Variants in MLLT10 observed in about 807,000 individuals in gnomAD.
MLLT10 encodes protein AF-10.
Under a neutral mutation model 129.1 loss-of-function variants are expected in MLLT10, and 30 were observed. The ratio of observed to expected loss-of-function variants is 0.23; its 90% confidence interval spans 0.17 to 0.32. The LOEUF is 0.32. Among genes scored for constraint, MLLT10 ranks in the 10% least tolerant of loss-of-function variants. MLLT10 has a pLI of 1.00. For synonymous variants in MLLT10, 490 were observed against 446.4 expected, an observed-to-expected ratio of 1.10 and a Z score of -1.23; for missense variants, 1,119 against 1,268.3, an observed-to-expected ratio of 0.88 and a Z score of 1.79.
At chr10:21,665,033 C>T (rs1405069723) in intron 9 of MLLT10, among the ~76,000 whole-genome samples, 2 of 150,434 alleles carry the variant, frequency 1.3e-5, no homozygotes, top group African/African-American at 4.9e-5. Context: ...GCAACCTCTG[C>T]CTCCTGGGTT....
intron 13 of MLLT10, among the ~76,000 whole-genome samples, chr10:21,707,189 ATTTTTTTT>A (rs1199544245): frequency 4.1e-5 from 5 of 122,502 alleles, no homozygotes; most frequent in East Asian, 4.6e-4. Flanking sequence ...AGTTTAGATG[ATTTTTTTT>A]TTTTTTTTTT....
At chr10:21,707,746 T>G (rs1271629832) in intron 13 of MLLT10, among the ~76,000 whole-genome samples, 3 of 152,252 alleles carry the variant, frequency 2.0e-5, no homozygotes, top group Non-Finnish European at 4.4e-5. Context: ...TCAGAACACC[T>G]GTACATGGCT....
intron 22 of MLLT10, among the ~76,000 whole-genome samples, chr10:21,741,738 T>C (rs1022635703): frequency 9.9e-5 from 15 of 152,214 alleles, no homozygotes; most frequent in African/African-American, 3.6e-4. Flanking sequence ...TTGGTCTTTT[T>C]ATACTGTTGA....
intron 13 of MLLT10, among the ~76,000 whole-genome samples, chr10:21,692,120 C>T (rs2053917812): frequency 6.6e-6 from 1 of 151,536 alleles, no homozygotes; most frequent in Non-Finnish European, 1.5e-5. Flanking sequence ...GCTGCAGTGA[C>T]CTGAGATCAC....
chr10:21,680,325 C>A (rs1380091607), intron 11 of MLLT10, among the ~76,000 whole-genome samples: 1 of 151,968 alleles, frequency 6.6e-6, no homozygotes, highest in Non-Finnish European at 1.5e-5. Context: ...TGTGCCTCAG[C>A]CTCCCAAGTA....
chr10:21,702,903 G>T (rs2055063383), intron 13 of MLLT10, among the ~76,000 whole-genome samples: 1 of 152,104 alleles, frequency 6.6e-6, no homozygotes, highest in Non-Finnish European at 1.5e-5. Flanking sequence ...TGTAAGTGGA[G>T]AATTTAATCC....
At chr10:21,594,276 C>T (rs1009448456) in intron 4 of MLLT10, among the ~76,000 whole-genome samples, 19 of 151,886 alleles carry the variant, frequency 1.3e-4, no homozygotes, top group African/African-American at 3.4e-4. Context: ...TCAGGCTGAG[C>T]GTGGTGCTCA....
intron 14 of MLLT10, among the ~76,000 whole-genome samples, chr10:21,719,099 T>C (rs2056957076): frequency 6.6e-6 from 1 of 152,220 alleles, no homozygotes; most frequent in Non-Finnish European, 1.5e-5. Context: ...TCAATTAGCT[T>C]CGAATATTTT....
chr10:21,600,027 CA>C (rs1247591913), intron 5 of MLLT10, among the ~76,000 whole-genome samples: 3 of 152,166 alleles, frequency 2.0e-5, no homozygotes, highest in Non-Finnish European at 4.4e-5. Flanking sequence ...CCTGGTTAGT[CA>C]ACTTTTTCAA....
intron 9 of MLLT10, among the ~76,000 whole-genome samples, chr10:21,652,776 G>A (rs2131326159): frequency 6.6e-6 from 1 of 152,302 alleles, no homozygotes; most frequent in East Asian, 1.9e-4. Context: ...TTTTGGACAG[G>A]CTGTGGAAAG....
chr10:21,542,867 C>G (rs2035426787), intron 3 of MLLT10, among the ~76,000 whole-genome samples: 1 of 152,068 alleles, frequency 6.6e-6, no homozygotes, highest in Non-Finnish European at 1.5e-5. Flanking sequence ...GTCCAGGTGA[C>G]AAAGTGAAAC....
chr10:21,583,279 T>G (rs1424073106), intron 3 of MLLT10, among the ~76,000 whole-genome samples: 1 of 152,182 alleles, frequency 6.6e-6, no homozygotes, highest in Admixed American at 6.5e-5. Context: ...TTTTATAATT[T>G]AGTTGGTAAT....
intron 3 of MLLT10, among the ~76,000 whole-genome samples, chr10:21,575,468 A>C (rs1455782130): frequency 6.6e-6 from 1 of 152,170 alleles, no homozygotes. Context: ...AAGTGTTGGG[A>C]TTACAGGCGT....
At chr10:21,695,418 C>CGTTT (rs538395400) in intron 13 of MLLT10, among the ~76,000 whole-genome samples, 30 of 152,258 alleles carry the variant, frequency 2.0e-4, no homozygotes, top group Middle Eastern at 3.4e-3. Flanking sequence ...CCTAGATTAG[C>CGTTT]GTTTCATTGA....
At chr10:21,724,879 TC>T in intron 14 of MLLT10, among the ~76,000 whole-genome samples, 1 of 152,206 alleles carries the variant, frequency 6.6e-6, no homozygotes, top group Admixed American at 6.5e-5. Context: ...AGTGAGGCCT[TC>T]AGAATTGTGG....
intron 3 of MLLT10, among the ~76,000 whole-genome samples, chr10:21,570,576 T>A (rs1188333582): frequency 6.6e-6 from 1 of 152,082 alleles, no homozygotes; most frequent in Non-Finnish European, 1.5e-5. Context: ...ATTACATTTT[T>A]TAGTGGTTTT....
intron 8 of MLLT10, among the ~76,000 whole-genome samples, chr10:21,648,832 C>T (rs1016869417): frequency 6.6e-6 from 1 of 152,182 alleles, no homozygotes; most frequent in Non-Finnish European, 1.5e-5. Flanking sequence ...GCAAGTCTTA[C>T]GTGGCGGCAG....
At chr10:21,738,342 G>A (rs2058550004) in intron 21 of MLLT10, 2 of 1,175,060 alleles carry the variant, frequency 1.7e-6, no homozygotes, top group Non-Finnish European at 1.1e-6. Flanking sequence ...ATCTTAATAT[G>A]AGCACTAAAA....
At chr10:21,648,484 C>T (rs1457958053) in intron 8 of MLLT10, among the ~76,000 whole-genome samples, 1 of 152,178 alleles carries the variant, frequency 6.6e-6, no homozygotes, top group African/African-American at 2.4e-5. Context: ...TATTCAGGAT[C>T]ATTCACCATT....
Sources: gnomAD v4.1 joint callset for allele counts (sites outside exome capture counted in the v4.1 genomes callset) on GRCh38, gnomAD v4.1.1 for gene constraint, MANE v1.5 for transcripts, NCBI Gene and HGNC (gene_info 2026-07-23, HGNC 2026-07-21) for gene names.